ITGAE: variants seen among roughly 807,000 people sequenced by gnomAD.
The protein encoded by ITGAE is integrin alpha-E.
Under a neutral mutation model 136.5 loss-of-function variants are expected in ITGAE, and 99 were observed. The observed-to-expected ratio is 0.73, with a 90% CI of 0.62 to 0.86. The LOEUF is 0.86. Among genes scored for constraint, ITGAE ranks in the 40% least tolerant of loss-of-function variants. The probability of loss-of-function intolerance (pLI) is 0.00; values close to 1 mark genes in which losing one functional copy is unlikely to be tolerated. For missense variants in ITGAE, 1,447 were observed against 1,515.3 expected (o/e 0.95, Z 0.75); for synonymous variants, 613 against 591.8 (o/e 1.04, Z -0.52).
intron 26 of ITGAE, chr17:3,724,780 A>G (rs1436027868): frequency 6.2e-7 from 1 of 1,613,930 alleles, no homozygotes; most frequent in East Asian, 2.2e-5. Flanking sequence ...AATGGACCAG[A>G]GGGTCCAGGT....
In ITGAE at chr17:3,748,056, A is replaced by T. The variant is rs572543428; in HGVS notation, c.2025-4T>A. On this transcript the variant is annotated splice_region_variant and splice_polypyrimidine_tract_variant and intron_variant, in intron 16 of 30. Transcript: ENST00000263087. ...CAGGCGAACCACAGGCCGGGAGCTA[A>T]ACAAGACAGCAAAGAGGATGGGAGA... 3 of 1,605,602 alleles carry T rather than the reference A, an allele frequency of 1.9e-6. No homozygotes were observed. In the Admixed American group the frequency reaches 5.0e-5, roughly 27 times the overall value.
intron 18 of ITGAE, among the ~76,000 whole-genome samples, chr17:3,745,131 C>G (rs540920503): frequency 6.6e-6 from 1 of 152,076 alleles, no homozygotes; most frequent in South Asian, 2.1e-4. Context: ...AGGAGTAAAC[C>G]TTTCTAGATG....
chr17:3,730,081 C>G (rs939720786), intron 23 of ITGAE, among the ~76,000 whole-genome samples: 1 of 152,312 alleles, frequency 6.6e-6, no homozygotes, highest in South Asian at 2.1e-4. Context: ...TGCTGTTCCC[C>G]TCCCTGTGTC....
chr17:3,745,674 G>T (rs1362216363), intron 18 of ITGAE, 90 bp downstream of exon 18: 16 of 1,241,680 alleles, frequency 1.3e-5, no homozygotes, highest in Non-Finnish European at 1.7e-5. Flanking sequence ...TCATTTGTAG[G>T]TCTGGGTATG....
intron 30 of ITGAE, 25 bp from the exon 31 acceptor site, chr17:3,714,967 AG>A: frequency 7.1e-7 from 1 of 1,399,120 alleles, no homozygotes; most frequent in Non-Finnish European, 1.0e-6. Flanking sequence ...GGAAAAGTCC[AG>A]TTACAGGCCA....
chr17:3,797,452 A>G (rs1483645537), intron 1 of ITGAE, among the ~76,000 whole-genome samples: 1 of 142,554 alleles, frequency 7.0e-6, no homozygotes, highest in Non-Finnish European at 1.5e-5. Context: ...GGCTTGAGCC[A>G]CTGCGCCTGG....
intron 21 of ITGAE, 118 bp downstream of exon 21, chr17:3,734,699 G>C: frequency 8.0e-7 from 1 of 1,255,604 alleles, no homozygotes; most frequent in Non-Finnish European, 1.1e-6. Flanking sequence ...CCATCTGTTG[G>C]TTGGACCAGG....
intron 28 of ITGAE, 45 bp downstream of exon 28, chr17:3,723,243 T>G (rs1567754795): frequency 1.6e-6 from 2 of 1,263,200 alleles, no homozygotes; most frequent in South Asian, 1.2e-5. Context: ...GCGATGCCCG[T>G]GAGCAACTGG....
At position 3,744,608 on chromosome 17, in the gene ITGAE, C is replaced by G. The variant is rs984361895; in HGVS notation, c.2320-991G>C. On this transcript the variant is annotated intron_variant, in intron 18 of 30. Coordinates refer to ENST00000263087, the MANE Select transcript of ITGAE (RefSeq NM_002208.5). ...TACAGGTGCATGCCACCACGCCTGG[C>G]TAATTTTTGTATTTTTTTTTAGTAG... Among the ~76,000 whole-genome samples, 8 of 152,050 alleles carry G rather than the reference C, an allele frequency of 5.3e-5. 1 individual carries two copies. Among genetic ancestry groups the G allele is most frequent in the Admixed American group, 5.2e-4 (8 of 15,248 alleles).
At position 3,757,110 on chromosome 17, in the gene ITGAE, T is replaced by C; in HGVS notation, c.1045A>G (p.Arg349Gly). ...IGVGEEFKSA[R>G]TARELNLIAS... ...ATCAGGTTCAGTTCCCTCGCAGTCCTAGCACTCTTAAATTCTTCTCCCACC... is the reference window on the plus strand; with the variant it reads ...ATCAGGTTCAGTTCCCTCGCAGTCCCAGCACTCTTAAATTCTTCTCCCACC... Residue 349 changes from arginine (R) to glycine (G), a missense_variant, in exon 10 of 31, where the codon AGG becomes GGG. This residue lies in a region of ITGAE where 310 missense variants were observed against 416.1 expected (regional missense o/e 0.74). Transcript: ENST00000263087. 2 of 1,614,162 alleles carry C rather than the reference T, an allele frequency of 1.2e-6. No homozygotes were observed. The highest frequency in any genetic ancestry group is 1.7e-6 in the Non-Finnish European group (2 of 1,180,018).
rs1460800502 is a variant in ITGAE at position 3,755,236 on chromosome 17, C to T, written c.1265G>A (p.Gly422Glu). 3 of 1,577,318 alleles carry T rather than the reference C, an allele frequency of 1.9e-6. No homozygotes were observed. Among genetic ancestry groups the T allele is most frequent in the African/African-American group, 1.3e-5 (1 of 74,456 alleles). The change falls in exon 12 of 31, where the codon GGG (glycine) becomes GAG (glutamate). Residue 422 changes from glycine (G) to glutamate (E), a missense_variant. Physicochemically the swap from Gly to Glu is moderately conservative, Grantham distance 98. Around this residue, in one of 3 missense-constraint regions of ITGAE, gnomAD observed 1,031 missense variants for 1,011.4 expected, o/e 1.02. Transcript: ENST00000263087. ...CGCCCCTCCGGACCAGTCAAAGGCC[C>T]CGACGGCGCCGAGCAGCACCTGCCG... The part of the protein sequence containing the change: ...DERQVLLGAV[G>E]AFDWSGGALL...
chr17:3,778,246 C>T lies in ITGAE; in HGVS notation c.35-586G>A, dbSNP rs146164222. ...AGTAAAGAGGAGTCAACAACAGATA[C>T]AGCAGCGTGATGAATCCCAAAAATC... On this transcript the variant is annotated intron_variant, in intron 1 of 30. Transcript: ENST00000263087. Among the ~76,000 whole-genome samples, 168 of 152,276 alleles carry T rather than the reference C, an allele frequency of 1.1e-3. 1 individual carries two copies. The highest frequency in any genetic ancestry group is 2.3e-3 in the Admixed American group (35 of 15,276).
intron 2 of ITGAE, 123 bp downstream of exon 2, chr17:3,777,417 G>A: frequency 7.8e-7 from 1 of 1,283,838 alleles, no homozygotes; most frequent in Non-Finnish European, 1.1e-6. Context: ...CCTTCTGAAA[G>A]AGAAAGGAGT....
intron 20 of ITGAE, among the ~76,000 whole-genome samples, chr17:3,738,252 C>G (rs1178649603): frequency 6.6e-6 from 1 of 151,722 alleles, no homozygotes; most frequent in Non-Finnish European, 1.5e-5. Context: ...CTCACTGCAC[C>G]CTCCGCCTCC....
chr17:3,737,973 G>C (rs1307520425), intron 20 of ITGAE, among the ~76,000 whole-genome samples: 1 of 152,204 alleles, frequency 6.6e-6, no homozygotes, highest in Non-Finnish European at 1.5e-5. Flanking sequence ...GCTGGAAACA[G>C]CTGTGCCTGC....
chr17:3,777,618 G>A lies in ITGAE; in HGVS notation c.77C>T (p.Pro26Leu), dbSNP rs1357789806. 6.2e-7 allele frequency: 1 copy of A among 1,613,990 alleles called. No homozygotes were observed. The highest frequency in any genetic ancestry group is 1.1e-5 in the South Asian group (1 of 91,052). ...GGCACCTCCCTTGGGCGTGAGCCAG[G>A]GCCGGGCCACATCCACATTGAAAGC... ...LAAFNVDVAR[P>L]WLTPKGGAPF... The change falls in exon 2 of 31, where the codon CCC (proline) becomes CTC (leucine). Residue 26 changes from proline to leucine, a missense_variant. Physicochemically the swap from Pro to Leu is moderately conservative, Grantham distance 98. This residue lies in a region of ITGAE where 106 missense variants were observed against 87.8 expected (regional missense o/e 1.21). Coordinates refer to ENST00000263087, the MANE Select transcript of ITGAE (RefSeq NM_002208.5).
In ITGAE at chr17:3,725,233, C is replaced by A. The variant is rs139272282; in HGVS notation, c.3085-1489G>T. ...GTCATGAACAGAACAAGTGGTGCTC[C>A]GTCCTCTTGGCACTCCTCCTCTATG... is the stretch of plus-strand genomic sequence containing the variant. On this transcript the variant is annotated intron_variant, in intron 26 of 30. Transcript: ENST00000263087. 109 of 1,614,124 alleles carry A rather than the reference C, an allele frequency of 6.8e-5. No individual in the cohort carries two copies. In the Middle Eastern group the frequency reaches 8.2e-4, roughly 12 times the overall value.
At chr17:3,758,150 TACTC>T (rs1003687494) in intron 8 of ITGAE, among the ~76,000 whole-genome samples, 7 of 152,214 alleles carry the variant, frequency 4.6e-5, no homozygotes, top group African/African-American at 1.2e-4. Flanking sequence ...CGATAGATAA[TACTC>T]ACATGGCACT....
At chr17:3,779,463 GA>G (rs1394358853) in intron 1 of ITGAE, among the ~76,000 whole-genome samples, 1 of 151,996 alleles carries the variant, frequency 6.6e-6, no homozygotes, top group East Asian at 1.9e-4. Flanking sequence ...ACATAGCTGG[GA>G]TTACAGGCGC....
Sources: allele counts gnomAD v4.1 joint callset (sites outside exome capture counted in the v4.1 genomes callset), GRCh38; gene constraint gnomAD v4.1.1; regional missense constraint gnomAD v4.1.1; transcripts MANE v1.5; gene names NCBI Gene and HGNC (gene_info 2026-07-23, HGNC 2026-07-21).